Variants in MMP3 observed in about 807,000 individuals in gnomAD.
The protein encoded by MMP3 is stromelysin-1.
A neutral mutation model predicts 47.3 loss-of-function variants in MMP3; 46 were observed. That is an observed-to-expected ratio of 0.97 (90% CI 0.77 to 1.24). The LOEUF (loss-of-function observed/expected upper bound fraction) is 1.24. MMP3 is among the 50% of genes most tolerant of loss of function. The probability of loss-of-function intolerance (pLI) is 0.00; values close to 1 mark genes in which losing one functional copy is unlikely to be tolerated. For missense variants in MMP3, 558 were observed against 565.5 expected (o/e 0.99, Z 0.13); for synonymous variants, 216 against 206.5 (o/e 1.05, Z -0.39).
At chr11:102,838,256 G>A (rs1858920989) in intron 8 of MMP3, among the ~76,000 whole-genome samples, 1 of 152,124 alleles carries the variant, frequency 6.6e-6, no homozygotes, top group African/African-American at 2.4e-5. Flanking sequence ...GATGAGACTT[G>A]AGCCAGGACT....
chr11:102,842,295 T>G lies in MMP3; in HGVS notation c.500-16A>C, dbSNP rs1377455755. The stretch of plus-strand genomic sequence containing the variant: ...TCTCCATGTTCTAGTAGGAAAAAAA[T>G]TTATTGGAAAGATATGTAACAAGGA... On this transcript the variant is annotated splice_polypyrimidine_tract_variant and intron_variant, in intron 3 of 9. Transcript: ENST00000299855. 2 of 1,593,094 alleles carry G rather than the reference T, an allele frequency of 1.3e-6. No individual in the cohort carries two copies. The highest frequency in any genetic ancestry group is 2.7e-5 in the African/African-American group (2 of 73,512).
intron 3 of MMP3, 68 bp from the exon 4 acceptor site, chr11:102,842,347 C>T: frequency 6.4e-7 from 1 of 1,560,910 alleles, no homozygotes; most frequent in Non-Finnish European, 8.6e-7. Context: ...TCCAGTACAA[C>T]AACACCAGAT....
chr11:102,838,199 A>G (rs1858919732), intron 8 of MMP3, among the ~76,000 whole-genome samples: 1 of 152,120 alleles, frequency 6.6e-6, no homozygotes, highest in African/African-American at 2.4e-5. Flanking sequence ...TTCTCAGAAC[A>G]TTTTCCCAAT....
rs1858890393 is a variant in MMP3, at chr11:102,836,797, T to G, written c.1333+501A>C. On this transcript the variant is annotated intron_variant, in intron 9 of 9. Transcript: ENST00000299855. This position sits in a 1 kb window ranked among gnomAD's most constrained non-coding sequence, Gnocchi z 4.6. ...CTTGAGTAGAAAACAAAATCTTTTT[T>G]TTTTTTTAAACTTTGGGCACATGGA... 1 of 225,430 alleles carries G rather than the reference T, an allele frequency of 4.4e-6. No homozygotes were observed. Among genetic ancestry groups the G allele is most frequent in the Non-Finnish European group, 8.9e-6 (1 of 112,094 alleles). The allele number at this position is 225,430 out of a possible 1,614,324, so 14.0% of individuals were successfully genotyped here. A position where few individuals can be genotyped will look rare whatever the true frequency, so the allele number is the denominator to read the frequency against.
chr11:102,838,992 C>T (rs1477558149), intron 7 of MMP3, 118 bp downstream of exon 7: 1 of 1,088,840 alleles, frequency 9.2e-7, no homozygotes, highest in African/African-American at 1.6e-5. Context: ...GTTATTTCTT[C>T]ATTACCGTTG....
At chr11:102,840,657 G>T in intron 4 of MMP3, 64 bp from the exon 5 acceptor site, 3 of 1,531,310 alleles carry the variant, frequency 2.0e-6, no homozygotes, top group Non-Finnish European at 2.7e-6. Flanking sequence ...ACACAGGTCT[G>T]CTGTGCATTG....
intron 7 of MMP3, 81 bp downstream of exon 7, chr11:102,839,029 T>C (rs1425519414): frequency 8.1e-6 from 12 of 1,477,114 alleles, no homozygotes; most frequent in Non-Finnish European, 1.1e-5. Flanking sequence ...GAACTTGTAG[T>C]AGGGAAAATT....
At chr11:102,838,464 C>T in intron 8 of MMP3, 87 bp downstream of exon 8, 1 of 1,410,922 alleles carries the variant, frequency 7.1e-7, no homozygotes, top group Non-Finnish European at 9.7e-7. Context: ...AGAAGCAGGC[C>T]TAAGGTTGGG....
rs476762 is a variant in MMP3, at chr11:102,839,976, T to A, written c.935+132A>T. Reference sequence around the variant, plus strand: ...AAATGTGGGAAAAGGCAGCACCAGATCTAAATGATTCCAAGCTCAGAAGAA... The same window carrying A: ...AAATGTGGGAAAAGGCAGCACCAGAACTAAATGATTCCAAGCTCAGAAGAA... On this transcript the variant is annotated intron_variant, in intron 6 of 9. Transcript: ENST00000299855. The A allele has an allele frequency of 0.12, 124,460 of 998,238 alleles. 8,944 individuals are homozygous for A. The highest frequency in any genetic ancestry group is 0.14 in the Middle Eastern group (416 of 3,054). 61.8% of individuals were successfully genotyped at this position (998,238 alleles called of 1,614,324 possible). A position where few individuals can be genotyped will look rare whatever the true frequency, so the allele number is the denominator to read the frequency against.
chr11:102,842,333 CT>C, intron 3 of MMP3, 54 bp from the exon 4 acceptor site: 3 of 1,569,620 alleles, frequency 1.9e-6, no homozygotes, highest in Non-Finnish European at 1.7e-6. Context: ...CCTTTTGAGC[CT>C]TTTCCAGTAC....
chr11:102,839,624 A>G (rs868969502), intron 6 of MMP3, among the ~76,000 whole-genome samples: 3 of 152,346 alleles, frequency 2.0e-5, no homozygotes, highest in African/African-American at 7.2e-5. Flanking sequence ...GTATGTGTGT[A>G]GAAAGATTCT....
At chr11:102,842,029 T>C (rs1591105204) in intron 4 of MMP3, 125 bp downstream of exon 4, 1 of 907,170 alleles carries the variant, frequency 1.1e-6, no homozygotes. Flanking sequence ...AAAAATATAT[T>C]CTGCTGATCT....
Position 102,836,034 on chromosome 11 carries a change from G to A in MMP3, c.*92C>T, listed in dbSNP as rs957212475. On this transcript the variant is annotated 3_prime_UTR_variant, in exon 10 of 10. Transcript: ENST00000299855. The surrounding 1 kb of genome is among the most constrained non-coding windows in gnomAD (Gnocchi z 4.6). ...TGTGACTCGAGTCACAGCACAGGCA[G>A]GAGAAAACGAACATTTCAATTCACA... 2.8e-5 allele frequency: 27 copies of A among 952,598 alleles called. No individual in the cohort carries two copies. The Middle Eastern group carries it at 6.5e-4, about 23-fold the overall frequency. The allele number at this position is 952,598 out of a possible 1,614,324, so 59.0% of individuals were successfully genotyped here. A position where few individuals can be genotyped will look rare whatever the true frequency, so the allele number is the denominator to read the frequency against.
chr11:102,843,417 G>A, intron 1 of MMP3, 25 bp downstream of exon 1: 1 of 1,566,098 alleles, frequency 6.4e-7, no homozygotes, highest in Non-Finnish European at 8.8e-7. Flanking sequence ...CTCCCCACCT[G>A]GCCAGGTCAG....
rs1317827960 is a variant in MMP3, at chr11:102,837,227, T to C, written c.1333+71A>G. 7.4e-6 allele frequency: 9 copies of C among 1,220,760 alleles called. No individual in the cohort carries two copies. The highest frequency in any genetic ancestry group is 1.9e-5 in the Admixed American group (1 of 52,838). The allele number at this position is 1,220,760 out of a possible 1,614,324, so 75.6% of individuals were successfully genotyped here. ...AACACTTGTTATTAAAAAGTTTCAA[T>C]GCTCCTCTTCCCTCTGATATCATAA... On this transcript the variant is annotated intron_variant, in intron 9 of 9. Coordinates refer to ENST00000299855, the MANE Select transcript of MMP3 (RefSeq NM_002422.5). The surrounding 1 kb of genome is among the most constrained non-coding windows in gnomAD (Gnocchi z 4.4).
chr11:102,840,673 GT>G, intron 4 of MMP3, 80 bp from the exon 5 acceptor site: 1 of 1,452,284 alleles, frequency 6.9e-7, no homozygotes, highest in Non-Finnish European at 9.3e-7. Context: ...CATTGTATTG[GT>G]TTTTACTTCT....
rs1451140244 is a variant in MMP3 at position 102,836,454 on chromosome 11, T to C, written c.1334-228A>G. Reference sequence around the variant, plus strand: ...CATTTACAGATTGAGCAAGTTGAGGTTGAGACAGATTTCGATGCTTCCTCA... The same window carrying C: ...CATTTACAGATTGAGCAAGTTGAGGCTGAGACAGATTTCGATGCTTCCTCA... On this transcript the variant is annotated intron_variant, in intron 9 of 9. Coordinates refer to ENST00000299855, the MANE Select transcript of MMP3 (RefSeq NM_002422.5). This position sits in a 1 kb window ranked among gnomAD's most constrained non-coding sequence, Gnocchi z 4.6. The C allele has an allele frequency of 9.9e-6, 6 of 603,972 alleles. No individual in the cohort carries two copies. The Admixed American group carries it at 1.1e-4, about 11-fold the overall frequency. 37.4% of individuals were successfully genotyped at this position (603,972 alleles called of 1,614,324 possible).
At chr11:102,839,484 C>T (rs1056566913) in intron 6 of MMP3, among the ~76,000 whole-genome samples, 2 of 152,158 alleles carry the variant, frequency 1.3e-5, no homozygotes, top group African/African-American at 2.4e-5. Context: ...ATTATTCTAT[C>T]GTGCAAATGA....
At chr11:102,841,143 A>G (rs1406700400) in intron 4 of MMP3, among the ~76,000 whole-genome samples, 1 of 152,256 alleles carries the variant, frequency 6.6e-6, no homozygotes. Context: ...AAAACACAGT[A>G]TGCCCAATCA....
Sources: gnomAD v4.1 joint callset for allele counts (sites outside exome capture counted in the v4.1 genomes callset) on GRCh38, gnomAD v4.1.1 for gene constraint, Gnocchi (gnomAD v3.1) non-coding constraint, MANE v1.5 for transcripts, NCBI Gene and HGNC (gene_info 2026-07-23, HGNC 2026-07-21) for gene names.